Variants in FMN1 observed in about 807,000 individuals in gnomAD.
FMN1 encodes the protein formin 1.
FMN1 carries 110 observed loss-of-function variants against 132.4 expected under a neutral mutation model. The observed-to-expected ratio is 0.83, with a 90% CI of 0.71 to 0.97. FMN1 has a LOEUF of 0.97. Among genes scored for constraint, FMN1 ranks in the 50% least tolerant of loss-of-function variants. The probability of loss-of-function intolerance (pLI) is 0.00; values close to 1 mark genes in which losing one functional copy is unlikely to be tolerated. For synonymous variants in FMN1, 722 were observed against 651.7 expected, an observed-to-expected ratio of 1.11 and a Z score of -1.64; for missense variants, 1,792 against 1,705.3, an observed-to-expected ratio of 1.05 and a Z score of -0.90.
intron 5 of FMN1, among the ~76,000 whole-genome samples, chr15:33,083,311 A>G (rs2038559409): frequency 6.6e-6 from 1 of 152,208 alleles, no homozygotes; most frequent in Non-Finnish European, 1.5e-5. Context: ...CTCAGAAACA[A>G]TATTGGTGAA....
intron 5 of FMN1, among the ~76,000 whole-genome samples, chr15:33,069,993 C>CTCTTTT (rs398026774): frequency 0.03 from 2,247 of 74,264 alleles, 241 homozygotes; most frequent in Admixed American, 0.045. Context: ...CAGTCTTTCT[C>CTCTTTT]TTTTTTTTTT....
intron 7 of FMN1, among the ~76,000 whole-genome samples, chr15:32,990,709 G>C (rs1310729178): frequency 6.6e-6 from 1 of 152,178 alleles, no homozygotes; most frequent in African/African-American, 2.4e-5. Context: ...TATAAGGAAA[G>C]AGGTTTAACC....
intron 17 of FMN1, among the ~76,000 whole-genome samples, chr15:32,835,429 G>C (rs1457331673): frequency 6.6e-6 from 1 of 152,164 alleles, no homozygotes; most frequent in Non-Finnish European, 1.5e-5. Context: ...GAAAATACTG[G>C]ATATTCTTTG....
intron 17 of FMN1, among the ~76,000 whole-genome samples, chr15:32,821,483 GC>G (rs2058217231): frequency 1.1e-5 from 1 of 95,180 alleles, no homozygotes; most frequent in Non-Finnish European, 1.9e-5. Context: ...ATGGAGTCTT[GC>G]TCTGTCACCC....
intron 7 of FMN1, among the ~76,000 whole-genome samples, chr15:32,978,216 A>G (rs967463303): frequency 2.6e-5 from 4 of 152,208 alleles, no homozygotes; most frequent in Non-Finnish European, 5.9e-5. Flanking sequence ...CTTTAAAATC[A>G]GCAAATATAA....
At chr15:32,927,455 C>T (rs915119738) in intron 9 of FMN1, among the ~76,000 whole-genome samples, 2 of 152,136 alleles carry the variant, frequency 1.3e-5, no homozygotes, top group Non-Finnish European at 2.9e-5. Flanking sequence ...GGTGAGGTCT[C>T]ACTATATTGC....
chr15:32,968,648 A>G (rs945136210), intron 8 of FMN1, 66 bp downstream of exon 8: 5 of 1,598,536 alleles, frequency 3.1e-6, no homozygotes, highest in Non-Finnish European at 4.3e-6. Flanking sequence ...CCCGGTAAGA[A>G]TAAAATATCA....
rs1029855623 is a variant in FMN1, at chr15:33,153,386, T to C, written c.1529A>G (p.Gln510Arg). 10 of 1,536,502 alleles carry C rather than the reference T, an allele frequency of 6.5e-6. No homozygotes were observed. The African/African-American group carries it at 1.4e-4, about 21-fold the overall frequency. ...LGKVFNNSAS[Q>R]SSTHKQTSPV... ...TGACGTCTGTTTGTGTGTGCTGGAC[T>C]GCGAGGCTGAATTATTAAACACCTT... The change falls in exon 4 of 21, where the codon CAG (glutamine) becomes CGG (arginine). Residue 510 changes from glutamine to arginine, a missense_variant. Physicochemically the swap from Gln to Arg is conservative, Grantham distance 43. Around this residue, in one of 3 missense-constraint regions of FMN1, gnomAD observed 638 missense variants for 645.2 expected, o/e 0.99. Coordinates refer to ENST00000616417, the MANE Select transcript of FMN1 (RefSeq NM_001277313.2).
At chr15:33,038,738 A>G (rs1041586942) in intron 6 of FMN1, among the ~76,000 whole-genome samples, 2 of 152,228 alleles carry the variant, frequency 1.3e-5, no homozygotes, top group East Asian at 3.8e-4. Context: ...ACACTTGAGC[A>G]AAGTATCATA....
At chr15:33,069,991 CTCTTTTTTTT>C (rs2037924639) in intron 5 of FMN1, among the ~76,000 whole-genome samples, 1 of 59,554 alleles carries the variant, frequency 1.7e-5, no homozygotes, top group African/African-American at 4.9e-5. Flanking sequence ...ATCAGTCTTT[CTCTTTTTTTT>C]TTTTTTTTTT....
At chr15:33,046,487 G>A (rs1403570440) in intron 6 of FMN1, among the ~76,000 whole-genome samples, 1 of 152,184 alleles carries the variant, frequency 6.6e-6, no homozygotes, top group Non-Finnish European at 1.5e-5. Flanking sequence ...AATGGCTAAT[G>A]TCTATGTTTT....
chr15:32,992,440 T>C (rs548731974), intron 7 of FMN1, among the ~76,000 whole-genome samples: 2 of 151,696 alleles, frequency 1.3e-5, no homozygotes, highest in Admixed American at 6.6e-5. Flanking sequence ...ACTGGTGTGA[T>C]TTAGTGTTTA....
At chr15:33,192,940 C>T (rs1265531683) in intron 2 of FMN1, among the ~76,000 whole-genome samples, 1 of 152,240 alleles carries the variant, frequency 6.6e-6, no homozygotes, top group East Asian at 1.9e-4. Flanking sequence ...AAGAGGCAAG[C>T]AACTTGCAAA....
At chr15:32,956,034 C>T (rs2061760007) in intron 9 of FMN1, among the ~76,000 whole-genome samples, 2 of 152,130 alleles carry the variant, frequency 1.3e-5, no homozygotes, top group South Asian at 4.1e-4. Flanking sequence ...GGGTAATTTG[C>T]TGTGAAATTT....
intron 19 of FMN1, among the ~76,000 whole-genome samples, chr15:32,793,168 G>GT (rs1232226973): frequency 1.3e-5 from 2 of 152,028 alleles, no homozygotes; most frequent in Admixed American, 1.3e-4. Context: ...AATTCTTACA[G>GT]TTTTTTAGTT....
chr15:33,082,261 C>T (rs371214548), intron 5 of FMN1, among the ~76,000 whole-genome samples: 6 of 152,034 alleles, frequency 3.9e-5, no homozygotes, highest in South Asian at 2.1e-4. Context: ...TCAGTAGAGA[C>T]GGGGTTTCAT....
chr15:32,848,549 T>C (rs2058917874), intron 17 of FMN1, among the ~76,000 whole-genome samples: 1 of 152,186 alleles, frequency 6.6e-6, no homozygotes, highest in South Asian at 2.1e-4. Context: ...TTTTAAGTTG[T>C]CCAGTTCAGC....
rs186872793 is a variant in FMN1, at chr15:32,950,149, C to T, written c.3138+13958G>A. Reference sequence around the variant, plus strand: ...AAAACCACAATGAGATACCATCTTACACCAGTCAGAATGGCTATTATTAAA... The same window carrying T: ...AAAACCACAATGAGATACCATCTTATACCAGTCAGAATGGCTATTATTAAA... On this transcript the variant is annotated intron_variant, in intron 9 of 20. Transcript: ENST00000616417. Among the ~76,000 whole-genome samples the T allele has an allele frequency of 4.9e-4, 71 of 145,502 alleles. 4 individuals are homozygous for T. Among genetic ancestry groups the T allele is most frequent in the Admixed American group, 4.9e-3 (69 of 14,218 alleles).
chr15:33,120,361 C>CA (rs1962434067), intron 4 of FMN1, among the ~76,000 whole-genome samples: 1 of 152,132 alleles, frequency 6.6e-6, no homozygotes, highest in African/African-American at 2.4e-5. Flanking sequence ...CATCATCTTC[C>CA]AGGTCAATGG....
Sources: gnomAD v4.1 joint callset for allele counts (sites outside exome capture counted in the v4.1 genomes callset) on GRCh38, gnomAD v4.1.1 for gene constraint, gnomAD v4.1.1 regional missense constraint, MANE v1.5 for transcripts, NCBI Gene and HGNC (gene_info 2026-07-23, HGNC 2026-07-21) for gene names.